The following SLC68A1 variants were observed in gnomAD, a reference collection of about 807,000 sequenced individuals.
The protein encoded by SLC68A1 is solute carrier family 68 member 1.
the SLC68A1 span, chr10:102,470,714 G>A: frequency 6.8e-6 from 11 of 1,613,084 alleles, no homozygotes; most frequent in Non-Finnish European, 8.5e-6. Flanking sequence ...CCGGGTGCAG[G>A]CCCTGGGCTG....
the SLC68A1 span, among the ~76,000 whole-genome samples, chr10:102,467,016 C>T: frequency 5.9e-5 from 9 of 152,298 alleles, no homozygotes; most frequent in East Asian, 5.8e-4. Flanking sequence ...AGCTTTAATG[C>T]TCACCATTTT....
the SLC68A1 span, chr10:102,471,133 CG>C: frequency 6.2e-7 from 1 of 1,607,650 alleles, no homozygotes; most frequent in Non-Finnish European, 8.5e-7. Context: ...TGGCCAGCCC[CG>C]GCTCTTCAGG....
the SLC68A1 span, among the ~76,000 whole-genome samples, chr10:102,474,535 G>A: frequency 6.6e-6 from 1 of 152,198 alleles, no homozygotes; most frequent in Non-Finnish European, 1.5e-5. Flanking sequence ...AACAGCAGGC[G>A]CAAAGGCCCA....
the SLC68A1 span, among the ~76,000 whole-genome samples, chr10:102,464,820 A>G: frequency 6.6e-6 from 1 of 151,188 alleles, no homozygotes. Flanking sequence ...AAAAAGAAAA[A>G]GAAAATGGCT....
chr10:102,472,420 A>T, the SLC68A1 span, among the ~76,000 whole-genome samples: 2 of 151,618 alleles, frequency 1.3e-5, no homozygotes, highest in East Asian at 3.9e-4. Context: ...GCAACACAAC[A>T]CCCGACTAAG....
the SLC68A1 span, chr10:102,469,113 C>T: frequency 6.2e-7 from 1 of 1,614,070 alleles, no homozygotes; most frequent in South Asian, 1.1e-5. Context: ...TCACCACCAT[C>T]CTGCACAATG....
chr10:102,473,856 A>T, the SLC68A1 span: 2 of 1,613,630 alleles, frequency 1.2e-6, no homozygotes, highest in Non-Finnish European at 1.7e-6. Context: ...TAAGCTGCTG[A>T]CCTTGGTGGT....
chr10:102,469,227 A>G, the SLC68A1 span: 1 of 1,560,076 alleles, frequency 6.4e-7, no homozygotes. Flanking sequence ...GCTAACATGG[A>G]GGAGGGGGTG....
the SLC68A1 span, chr10:102,469,056 G>C: frequency 1.9e-6 from 3 of 1,613,734 alleles, no homozygotes; most frequent in African/African-American, 4.0e-5. Flanking sequence ...CCCAGGCCTG[G>C]TTGCTGGGTC....
chr10:102,467,622 G>T, the SLC68A1 span, among the ~76,000 whole-genome samples: 1 of 151,998 alleles, frequency 6.6e-6, no homozygotes, highest in Non-Finnish European at 1.5e-5. Flanking sequence ...TGGCCCACGG[G>T]GGTGGTGGTG....
chr10:102,472,368 T>C, the SLC68A1 span: 1 of 261,780 alleles, frequency 3.8e-6, no homozygotes, highest in African/African-American at 2.3e-5. Context: ...GTTCAAATGA[T>C]TCTCCCACCT....
At chr10:102,470,223 T>C in the SLC68A1 span, 3 of 765,818 alleles carry the variant, frequency 3.9e-6, no homozygotes, top group East Asian at 8.1e-5. Context: ...GGGTCCAGGG[T>C]GCTCTGTTTG....
the SLC68A1 span, chr10:102,471,116 G>A: frequency 2.7e-5 from 44 of 1,612,440 alleles, no homozygotes; most frequent in African/African-American, 4.3e-4. Context: ...TGTGGATAGC[G>A]GGTGAGTGGC....
chr10:102,468,913 C>A, the SLC68A1 span: 1 of 792,378 alleles, frequency 1.3e-6, no homozygotes, highest in Non-Finnish European at 2.0e-6. Context: ...AAGAACAGAG[C>A]TGGCTCTGAT....
At chr10:102,470,615 C>CCTGCCAAGT in the SLC68A1 span, 16 of 1,572,178 alleles carry the variant, frequency 1.0e-5, no homozygotes, top group African/African-American at 2.2e-4. Flanking sequence ...GGAACTTCAG[C>CCTGCCAAGT]CTGCCAAGTC....
chr10:102,473,633 G>A, the SLC68A1 span: 1 of 1,614,120 alleles, frequency 6.2e-7, no homozygotes, highest in Non-Finnish European at 8.5e-7. Context: ...CGGCGCTGGG[G>A]CGTCTACGCG....
chr10:102,472,896 C>A, the SLC68A1 span: 10 of 1,614,182 alleles, frequency 6.2e-6, no homozygotes, highest in Non-Finnish European at 8.5e-6. Flanking sequence ...CCCTCTCTTC[C>A]TGGAGCATCT....
the SLC68A1 span, chr10:102,476,170 C>A: frequency 9.4e-7 from 1 of 1,063,812 alleles, no homozygotes; most frequent in Non-Finnish European, 1.3e-6. Flanking sequence ...CAGGTTCAAG[C>A]AATTATCCTG....
the SLC68A1 span, chr10:102,470,054 A>C: frequency 6.2e-7 from 1 of 1,614,066 alleles, no homozygotes; most frequent in Admixed American, 1.7e-5. Flanking sequence ...AGTGACCGGC[A>C]GTTCCTCAGC....
Sources: allele counts gnomAD v4.1 joint callset (sites outside exome capture counted in the v4.1 genomes callset), GRCh38; gene constraint gnomAD v4.1.1; transcripts MANE v1.5; gene names NCBI Gene and HGNC (gene_info 2026-07-23, HGNC 2026-07-21).